MARCHF10: variants seen among roughly 807,000 people sequenced by gnomAD.
MARCHF10 encodes probable E3 ubiquitin-protein ligase MARCHF10.
Under a neutral mutation model 76.2 loss-of-function variants are expected in MARCHF10, and 64 were observed. That is an observed-to-expected ratio of 0.84 (90% CI 0.69 to 1.03). The LOEUF (loss-of-function observed/expected upper bound fraction) is 1.03, where lower values mean the gene tolerates loss of function less well. MARCHF10 is among the 50% of genes least tolerant of loss of function. The pLI is 0.00. For synonymous variants in MARCHF10, 340 were observed against 357.5 expected (o/e 0.95, Z 0.55); for missense variants, 875 against 958.0 (o/e 0.91, Z 1.14).
intron 6 of MARCHF10, among the ~76,000 whole-genome samples, chr17:62,729,969 G>A (rs2090946069): frequency 6.6e-6 from 1 of 152,232 alleles, no homozygotes; most frequent in South Asian, 2.1e-4. Flanking sequence ...AGATCATGAA[G>A]TCAGGGGTTC....
At chr17:62,765,993 A>G (rs947295058) in intron 3 of MARCHF10, among the ~76,000 whole-genome samples, 9 of 151,096 alleles carry the variant, frequency 6.0e-5, no homozygotes, top group Non-Finnish European at 1.2e-4. Flanking sequence ...CAGGAGTTTG[A>G]GACCAGCCTG....
At chr17:62,718,252 G>A (rs1186291684) in intron 8 of MARCHF10, among the ~76,000 whole-genome samples, 4 of 152,240 alleles carry the variant, frequency 2.6e-5, no homozygotes, top group African/African-American at 9.6e-5. Context: ...GGGGAAGAGA[G>A]TAGGGTTTAG....
chr17:62,726,131 A>C (rs1342673894), intron 6 of MARCHF10: 3 of 152,246 alleles, frequency 2.0e-5, no homozygotes, highest in Non-Finnish European at 1.5e-5. Context: ...GAATCTGATG[A>C]AGATAAGAAC....
intron 3 of MARCHF10, among the ~76,000 whole-genome samples, chr17:62,784,972 T>C (rs1243983701): frequency 6.6e-6 from 1 of 152,182 alleles, no homozygotes; most frequent in Non-Finnish European, 1.5e-5. Flanking sequence ...ATAGATTCAA[T>C]GCCATCCCCA....
chr17:62,782,951 T>C (rs2092685341), intron 3 of MARCHF10, among the ~76,000 whole-genome samples: 1 of 152,164 alleles, frequency 6.6e-6, no homozygotes, highest in Non-Finnish European at 1.5e-5. Flanking sequence ...ATATCTCTAA[T>C]GCAGAGAGCA....
intron 6 of MARCHF10, among the ~76,000 whole-genome samples, chr17:62,727,262 T>C (rs1599114821): frequency 6.6e-6 from 1 of 152,172 alleles, no homozygotes; most frequent in South Asian, 2.1e-4. Flanking sequence ...CTGGCTACCC[T>C]ACTTTGCAAA....
chr17:62,775,012 C>A (rs1260240157), intron 3 of MARCHF10, among the ~76,000 whole-genome samples: 2 of 151,768 alleles, frequency 1.3e-5, no homozygotes, highest in African/African-American at 4.8e-5. Context: ...TGAGATCTTG[C>A]CACTGCACTC....
At chr17:62,708,242 T>C (rs1291099042) in intron 9 of MARCHF10, among the ~76,000 whole-genome samples, 1 of 128,138 alleles carries the variant, frequency 7.8e-6, no homozygotes, top group Non-Finnish European at 1.7e-5. Flanking sequence ...AAAAGTAGGT[T>C]CTTTTTTTTT....
At chr17:62,770,546 T>G (rs906865979) in intron 3 of MARCHF10, among the ~76,000 whole-genome samples, 62 of 150,418 alleles carry the variant, frequency 4.1e-4, no homozygotes, top group African/African-American at 1.5e-3. Flanking sequence ...ATTTTGACTT[T>G]TTTTTTTTTT....
intron 8 of MARCHF10, among the ~76,000 whole-genome samples, chr17:62,715,147 C>G (rs1319811827): frequency 6.6e-6 from 1 of 152,214 alleles, no homozygotes; most frequent in Non-Finnish European, 1.5e-5. Flanking sequence ...GCTAACGCTC[C>G]TGGTTTGGGG....
chr17:62,777,799 C>T (rs1190057915), intron 3 of MARCHF10, among the ~76,000 whole-genome samples: 1 of 151,636 alleles, frequency 6.6e-6, no homozygotes, highest in African/African-American at 2.4e-5. Context: ...GGGCACACTG[C>T]CTATGGGGTA....
chr17:62,777,232 G>A (rs2092568467), intron 3 of MARCHF10, among the ~76,000 whole-genome samples: 2 of 152,168 alleles, frequency 1.3e-5, no homozygotes, highest in Admixed American at 6.5e-5. Flanking sequence ...CTCAGACACT[G>A]GACCAAATTG....
intron 3 of MARCHF10, among the ~76,000 whole-genome samples, chr17:62,786,463 G>A (rs1339298926): frequency 3.9e-5 from 6 of 152,080 alleles, no homozygotes; most frequent in African/African-American, 1.2e-4. Flanking sequence ...GCAAACCAAC[G>A]TGGCACAAGT....
In MARCHF10 at chr17:62,709,204, G is replaced by A. The variant is rs182677842; in HGVS notation, c.2328+2027C>T. ...CCATTAACAGGCATTTGTCAGCCGG[G>A]CACGGGGGCTCACACCTGTAATCCC... On this transcript the variant is annotated intron_variant, in intron 9 of 10. Transcript: ENST00000311269. 3.0e-3 allele frequency among the ~76,000 whole-genome samples: 454 copies of A among 152,314 alleles called. 7 individuals are homozygous for A. Among genetic ancestry groups the A allele is most frequent in the Non-Finnish European group, 1.0e-3 (71 of 68,026 alleles).
chr17:62,709,749 CT>C (rs550950635), intron 9 of MARCHF10, among the ~76,000 whole-genome samples: 4 of 152,024 alleles, frequency 2.6e-5, no homozygotes, highest in Non-Finnish European at 5.9e-5. Context: ...ATTTGGGTGC[CT>C]TTTTTTGTTT....
chr17:62,777,215 G>C (rs1056661263), intron 3 of MARCHF10, among the ~76,000 whole-genome samples: 1 of 152,168 alleles, frequency 6.6e-6, no homozygotes, highest in African/African-American at 2.4e-5. Flanking sequence ...CAAGGTAAGA[G>C]GTGGAGCTCA....
intron 5 of MARCHF10, among the ~76,000 whole-genome samples, chr17:62,740,690 G>A (rs1007114033): frequency 6.6e-6 from 1 of 151,546 alleles, no homozygotes; most frequent in Non-Finnish European, 1.5e-5. Context: ...ACAGGGTCTT[G>A]CTCTGTCACC....
chr17:62,757,701 T>C (rs1336135079), intron 4 of MARCHF10, among the ~76,000 whole-genome samples: 2 of 152,224 alleles, frequency 1.3e-5, no homozygotes, highest in Non-Finnish European at 2.9e-5. Context: ...GACGTCTGCA[T>C]GGGTCTTGGA....
intron 3 of MARCHF10, among the ~76,000 whole-genome samples, chr17:62,782,493 G>A (rs901395116): frequency 5.9e-5 from 9 of 151,726 alleles, no homozygotes; most frequent in Admixed American, 4.6e-4. Context: ...GACTACAGGC[G>A]CATGCCACCA....
Sources: allele counts gnomAD v4.1 joint callset (sites outside exome capture counted in the v4.1 genomes callset), GRCh38; gene constraint gnomAD v4.1.1; transcripts MANE v1.5; gene names NCBI Gene and HGNC (gene_info 2026-07-23, HGNC 2026-07-21).